The following SH3GL2 variants were observed in gnomAD, a reference collection of about 807,000 sequenced individuals.
The protein encoded by SH3GL2 is SH3 domain containing GRB2 like 2, endophilin A1, also known as endophilin-A1.
Under a neutral mutation model 46.0 loss-of-function variants are expected in SH3GL2, and 24 were observed. The observed-to-expected ratio is 0.52, with a 90% confidence interval of 0.38 to 0.73. The LOEUF (loss-of-function observed/expected upper bound fraction) is 0.73. SH3GL2 is among the 30% of genes least tolerant of loss of function. The probability of loss-of-function intolerance (pLI) is 0.00; values close to 1 mark genes in which losing one functional copy is unlikely to be tolerated. For synonymous variants in SH3GL2, 196 were observed against 147.1 expected (o/e 1.33, Z -2.40); for missense variants, 413 against 424.2 (o/e 0.97, Z 0.23).
intron 1 of SH3GL2, among the ~76,000 whole-genome samples, chr9:17,681,184 T>C (rs1820757305): frequency 6.6e-6 from 1 of 152,038 alleles, no homozygotes; most frequent in African/African-American, 2.4e-5. Context: ...TAGAAATAAT[T>C]TTAGGAAAGG....
At chr9:17,779,966 A>G in intron 3 of SH3GL2, among the ~76,000 whole-genome samples, 1 of 152,186 alleles carries the variant, frequency 6.6e-6, no homozygotes, top group East Asian at 1.9e-4. Flanking sequence ...CTAGAGACGA[A>G]CACAGTGGTT....
chr9:17,796,562 C>T lies in SH3GL2; in HGVS notation c.*819C>T, dbSNP rs1563858956. The stretch of plus-strand genomic sequence containing the variant: ...TCTGAAGGGCACAGGGAAGGGGGAA[C>T]AAATATCTTCACTTCAGTTTTATTT... On this transcript the variant is annotated 3_prime_UTR_variant, in exon 9 of 9. Transcript: ENST00000380607. 1 of 152,106 alleles carries T rather than the reference C, an allele frequency of 6.6e-6. No homozygotes were observed. 9.4% of individuals were successfully genotyped at this position (152,106 alleles called of 1,614,324 possible).
chr9:17,661,203 G>A lies in SH3GL2; in HGVS notation c.45+81916G>A, dbSNP rs532451867. Among the ~76,000 whole-genome samples, 11 of 152,180 alleles carry A rather than the reference G, an allele frequency of 7.2e-5. No homozygotes were observed. The East Asian group carries it at 7.7e-4, about 11-fold the overall frequency. ...AACAAAAACAAAATTAATGTTCAGC[G>A]TTGTTGGTTAGTACCAATCTAGAAA... On this transcript the variant is annotated intron_variant, in intron 1 of 8. Transcript: ENST00000380607.
intron 1 of SH3GL2, among the ~76,000 whole-genome samples, chr9:17,581,401 T>G (rs948270018): frequency 6.6e-6 from 1 of 152,184 alleles, no homozygotes; most frequent in Non-Finnish European, 1.5e-5. Context: ...GCCTTTTATT[T>G]GAAAGGTGAA....
chr9:17,597,375 G>T (rs1056412231), intron 1 of SH3GL2, among the ~76,000 whole-genome samples: 4 of 152,042 alleles, frequency 2.6e-5, no homozygotes, highest in South Asian at 2.1e-4. Flanking sequence ...AAATTAGCTG[G>T]GTATGGTGGC....
At chr9:17,674,277 A>G (rs549180066) in intron 1 of SH3GL2, among the ~76,000 whole-genome samples, 1 of 150,210 alleles carries the variant, frequency 6.7e-6, no homozygotes, top group East Asian at 1.9e-4. Context: ...TTATTTATTT[A>G]TTTTTTTAAG....
intron 1 of SH3GL2, among the ~76,000 whole-genome samples, chr9:17,723,009 C>G (rs1270004156): frequency 1.3e-5 from 2 of 152,122 alleles, no homozygotes; most frequent in African/African-American, 4.8e-5. Context: ...TAAAAGATGA[C>G]TAGCACTGTA....
chr9:17,646,267 A>T (rs190337792), intron 1 of SH3GL2, among the ~76,000 whole-genome samples: 1 of 151,960 alleles, frequency 6.6e-6, no homozygotes, highest in Admixed American at 6.6e-5. Flanking sequence ...CTAGTTAGCA[A>T]TTCCTCTAAC....
chr9:17,738,944 A>T (rs145424849), intron 1 of SH3GL2, among the ~76,000 whole-genome samples: 2 of 152,134 alleles, frequency 1.3e-5, no homozygotes, highest in African/African-American at 4.8e-5. Flanking sequence ...CTTCACAGCT[A>T]TTGCATTAGT....
chr9:17,795,558 C>G lies in SH3GL2; in HGVS notation c.874C>G (p.Gln292Glu), dbSNP rs767825414. The change falls in exon 9 of 9, where the codon CAG becomes GAG. Residue 292 changes from glutamine to glutamate, a missense_variant. Physicochemically the swap from Gln to Glu is conservative, Grantham distance 29. Coordinates refer to ENST00000380607, the MANE Select transcript of SH3GL2 (RefSeq NM_003026.5). ...CTTACTCCCAGGTGTCCAAATGGAT[C>G]AGCCCTGCTGCCGAGCTCTGTACGA... ...TPKPSGVQMD[Q>E]PCCRALYDFE... 1 of 1,613,798 alleles carries G rather than the reference C, an allele frequency of 6.2e-7. No homozygotes were observed. Among genetic ancestry groups the G allele is most frequent in the Non-Finnish European group, 8.5e-7 (1 of 1,179,774 alleles).
At chr9:17,767,482 A>G (rs935374138) in intron 3 of SH3GL2, among the ~76,000 whole-genome samples, 2 of 152,202 alleles carry the variant, frequency 1.3e-5, no homozygotes, top group African/African-American at 2.4e-5. Context: ...GAAAATGAAT[A>G]CATGTATTAC....
intron 1 of SH3GL2, among the ~76,000 whole-genome samples, chr9:17,707,745 C>G (rs1821508910): frequency 6.6e-6 from 1 of 152,026 alleles, no homozygotes; most frequent in Non-Finnish European, 1.5e-5. Flanking sequence ...GCTATTAGAC[C>G]TTACACCTAA....
At chr9:17,608,943 T>G (rs1178392048) in intron 1 of SH3GL2, among the ~76,000 whole-genome samples, 4 of 152,218 alleles carry the variant, frequency 2.6e-5, no homozygotes, top group African/African-American at 9.6e-5. Context: ...CAGCTCTGTT[T>G]TGGTGGACAG....
chr9:17,712,545 G>C (rs567300195), intron 1 of SH3GL2, among the ~76,000 whole-genome samples: 3 of 151,856 alleles, frequency 2.0e-5, no homozygotes, highest in East Asian at 1.9e-4. Context: ...AATTTCTCTA[G>C]CATCATTTGT....
chr9:17,727,197 G>A (rs1822044467), intron 1 of SH3GL2, among the ~76,000 whole-genome samples: 1 of 152,156 alleles, frequency 6.6e-6, no homozygotes, highest in African/African-American at 2.4e-5. Flanking sequence ...GTTACAGAAG[G>A]TTGTATAAGG....
chr9:17,591,206 A>G (rs143403128), intron 1 of SH3GL2: 10 of 152,302 alleles, frequency 6.6e-5, no homozygotes, highest in South Asian at 2.1e-4. Context: ...TAAAATCTCT[A>G]TATCAATTGT....
intron 1 of SH3GL2, among the ~76,000 whole-genome samples, chr9:17,741,719 C>T (rs1013535441): frequency 2.0e-5 from 3 of 152,200 alleles, no homozygotes; most frequent in African/African-American, 7.2e-5. Flanking sequence ...AAGTCTCAGA[C>T]ATTTTCAAAT....
chr9:17,732,513 C>G (rs1588283061), intron 1 of SH3GL2, among the ~76,000 whole-genome samples: 1 of 152,088 alleles, frequency 6.6e-6, no homozygotes, highest in East Asian at 1.9e-4. Context: ...AAATCACTGC[C>G]TTGCAGGAAC....
intron 1 of SH3GL2, among the ~76,000 whole-genome samples, chr9:17,719,634 TA>T (rs948028151): frequency 3.3e-5 from 5 of 151,666 alleles, no homozygotes; most frequent in African/African-American, 1.2e-4. Flanking sequence ...TACCAAAAAA[TA>T]AAAAAAATTT....
Sources: gnomAD v4.1 joint callset for allele counts (sites outside exome capture counted in the v4.1 genomes callset) on GRCh38, gnomAD v4.1.1 for gene constraint, MANE v1.5 for transcripts, NCBI Gene and HGNC (gene_info 2026-07-23, HGNC 2026-07-21) for gene names.